Variants in OR10AG1 observed in about 807,000 individuals in gnomAD.
The protein encoded by OR10AG1 is olfactory receptor family 10 subfamily AG member 1, also known as olfactory receptor 10AG1.
For missense variants in OR10AG1, 433 were observed against 376.5 expected (o/e 1.15, Z -1.24); for synonymous variants, 147 against 128.6 (o/e 1.14, Z -0.97).
At chr11:55,968,799 T>G (rs1012228522) in intron 1 of OR10AG1, among the ~76,000 whole-genome samples, 5 of 152,166 alleles carry the variant, frequency 3.3e-5, no homozygotes, top group African/African-American at 1.2e-4. Flanking sequence ...TATTTCACAC[T>G]TAAGAGTAGA....
rs774991963 is a variant in OR10AG1, at chr11:55,967,646, A to G, written c.878T>C (p.Ile293Thr). 2.2e-5 allele frequency: 35 copies of G among 1,612,898 alleles called. No homozygotes were observed. Among genetic ancestry groups the G allele is most frequent in the Non-Finnish European group, 2.8e-5 (33 of 1,179,104 alleles). The change falls in exon 2 of 2, where the codon ATT (isoleucine) becomes ACT (threonine). Residue 293 changes from isoleucine to threonine, a missense_variant. Physicochemically the swap from Ile to Thr is moderately conservative, Grantham distance 89. Transcript: ENST00000641071. Reference protein sequence around the residue: ...KLISLFYTILIPTLNPIIYTL... With the variant: ...KLISLFYTILTPTLNPIIYTL... ...ATATATAATAGGATTCAAAGTTGGA[A>G]TCAGAATGGTGTAGAAAAGAGAAAT...
rs758782159 is a variant in OR10AG1, at chr11:55,968,035, T to C, written c.489A>G (p.Thr163=). 3 of 1,614,068 alleles carry C rather than the reference T, an allele frequency of 1.9e-6. No homozygotes were observed. The highest frequency in any genetic ancestry group is 1.7e-6 in the Non-Finnish European group (2 of 1,179,984). The change falls in exon 2 of 2, where the codon ACA becomes ACG. Residue 163 remains threonine (T), a synonymous_variant. Transcript: ENST00000641071. Reference sequence around the variant, plus strand: ...ATGTTTCCCCAATTACTACAGGAATTGTGATGGTCCAGGAAGCTATTATCA... The same window carrying C: ...ATGTTTCCCCAATTACTACAGGAATCGTGATGGTCCAGGAAGCTATTATCA... ...IQLIIASWTI[T]IPVVIGETCQ...
rs1368401817 is a variant in OR10AG1, at chr11:55,965,939, T to C, written c.*1619A>G. On this transcript the variant is annotated 3_prime_UTR_variant, in exon 2 of 2. Transcript: ENST00000641071. Reference sequence around the variant, plus strand: ...TGCACATGTAAAATGCTATATGAAATTATAGTTGCTATTATTATTGGTTTT... The same window carrying C: ...TGCACATGTAAAATGCTATATGAAACTATAGTTGCTATTATTATTGGTTTT... The C allele has an allele frequency of 6.6e-6, 1 of 152,060 alleles. No homozygotes were observed. Among genetic ancestry groups the C allele is most frequent in the Non-Finnish European group, 1.5e-5 (1 of 67,992 alleles). The allele number at this position is 152,060 out of a possible 1,614,324, so 9.4% of individuals were successfully genotyped here.
intron 1 of OR10AG1, among the ~76,000 whole-genome samples, chr11:55,968,956 A>C (rs1852718761): frequency 6.6e-6 from 1 of 151,984 alleles, no homozygotes; most frequent in African/African-American, 2.4e-5. Flanking sequence ...TTTTCCTTTT[A>C]TGCACCAGTG....
chr11:55,967,967 T>G lies in OR10AG1; in HGVS notation c.557A>C (p.Asn186Thr), dbSNP rs1341155647. ...LLPFCGTNTI[N>T]HFFCDIPPIL... is the part of the protein sequence containing the mutation. ...TGGCGGGATGTCACAAAAGAAATGA[T>G]TAATTGTGTTAGTTCCGCAAAAGGG... The change falls in exon 2 of 2, where the codon AAT becomes ACT. Residue 186 changes from asparagine to threonine, a missense_variant. Asn to Thr is a moderately conservative substitution (Grantham distance 65). Transcript: ENST00000641071. 1 of 1,614,054 alleles carries G rather than the reference T, an allele frequency of 6.2e-7. No individual in the cohort carries two copies. Among genetic ancestry groups the G allele is most frequent in the East Asian group, 2.2e-5 (1 of 44,882 alleles).
chr11:55,967,777 G>A lies in OR10AG1; in HGVS notation c.747C>T (p.Phe249=). 6.2e-7 allele frequency: 1 copy of A among 1,613,780 alleles called. No individual in the cohort carries two copies. The highest frequency in any genetic ancestry group is 1.7e-5 in the Admixed American group (1 of 60,008). ...CTATTAGGTGAGATGAGCAGGTGGA[G>A]AAGGCTTTAGCCTTTCCTCTGGCTG... ...LSSARGKAKA[F]STCSSHLIVV... is the part of the protein sequence containing the mutation. Residue 249 remains phenylalanine, a synonymous_variant, in exon 2 of 2, where the codon TTC becomes TTT. Coordinates refer to ENST00000641071, the MANE Select transcript of OR10AG1 (RefSeq NM_001005491.2).
Position 55,967,818 on chromosome 11 carries a change from T to C in OR10AG1, c.706A>G (p.Ile236Val), listed in dbSNP as rs1056990229. The change falls in exon 2 of 2, where the codon ATT becomes GTT. Residue 236 changes from isoleucine to valine, a missense_variant. Physicochemically the swap from Ile to Val is conservative, Grantham distance 29 (BLOSUM62 3). Transcript: ENST00000641071. The part of the protein sequence containing the change: ...VVSYGKIISN[I>V]LKLSSARGKA... ...CCTCTGGCTGATGACAATTTCAAAATGTTGGAGATAATTTTGCCATAAGAG... is the reference window on the plus strand; with the variant it reads ...CCTCTGGCTGATGACAATTTCAAAACGTTGGAGATAATTTTGCCATAAGAG... 1 of 1,613,948 alleles carries C rather than the reference T, an allele frequency of 6.2e-7. No homozygotes were observed. Among genetic ancestry groups the C allele is most frequent in the African/African-American group, 1.3e-5 (1 of 74,870 alleles).
In OR10AG1 at chr11:55,967,593, C is replaced by T; in HGVS notation, c.931G>A (p.Ala311Thr). Reference sequence around the variant, plus strand: ...AACTTAGCTAGTAATTTTCTCAATGCCACCATGATATCTTTGTTCCTCAGG... The same window carrying T: ...AACTTAGCTAGTAATTTTCTCAATGTCACCATGATATCTTTGTTCCTCAGG... The part of the protein sequence containing the change: ...YTLRNKDIMV[A>T]LRKLLAKLLT The change falls in exon 2 of 2, where the codon GCA becomes ACA. Residue 311 changes from alanine to threonine, a missense_variant. Coordinates refer to ENST00000641071, the MANE Select transcript of OR10AG1 (RefSeq NM_001005491.2). 1 of 1,595,074 alleles carries T rather than the reference C, an allele frequency of 6.3e-7. No individual in the cohort carries two copies. The highest frequency in any genetic ancestry group is 8.5e-7 in the Non-Finnish European group (1 of 1,170,420).
intron 1 of OR10AG1, among the ~76,000 whole-genome samples, chr11:55,969,359 T>C (rs952920562): frequency 1.3e-5 from 2 of 152,082 alleles, no homozygotes; most frequent in African/African-American, 4.8e-5. Flanking sequence ...GCCATCTAAG[T>C]GGCCAGAGCA....
Position 55,966,291 on chromosome 11 carries a change from T to TATATATATATATATATATATATA in OR10AG1, c.*1266_*1267insTATATATATATATATATATATAT, listed in dbSNP as rs1491230740. ...AAGAATATATATATATATATATATA[T>TATATATATATATATATATATATA]TTTTTTTTTTAAACAGAAGTCAATT... On this transcript the variant is annotated 3_prime_UTR_variant, in exon 2 of 2. Transcript: ENST00000641071. The TATATATATATATATATATATATA allele has an allele frequency of 1.6e-5, 1 of 61,750 alleles. No individual in the cohort carries two copies. 3.8% of individuals were successfully genotyped at this position (61,750 alleles called of 1,614,324 possible).
chr11:55,968,465 A>G lies in OR10AG1; in HGVS notation c.59T>C (p.Ile20Thr). 6.5e-7 allele frequency: 1 copy of G among 1,534,944 alleles called. No individual in the cohort carries two copies. The highest frequency in any genetic ancestry group is 8.8e-7 in the Non-Finnish European group (1 of 1,140,212). Residue 20 changes from isoleucine to threonine, a missense_variant, in exon 2 of 2, where the codon ATA (isoleucine) becomes ACA (threonine). Ile to Thr is a moderately conservative substitution (Grantham distance 89). Transcript: ENST00000641071. ...TKREKSNVTT[I>T]MEFVLLGFSD... ...AAACCCCAAAAGAACAAATTCCATT[A>G]TTGTAGTCACATTTGATTTTTCTCT...
rs1852692047 is a variant in OR10AG1 at position 55,966,731 on chromosome 11, A to C, written c.*827T>G. Reference sequence around the variant, plus strand: ...TTCTCTGCACCTTTTTTCCCCTCAAACTTCTTCTGCCTCTTTGTCTTTTAT... The same window carrying C: ...TTCTCTGCACCTTTTTTCCCCTCAACCTTCTTCTGCCTCTTTGTCTTTTAT... On this transcript the variant is annotated 3_prime_UTR_variant, in exon 2 of 2. Transcript: ENST00000641071. The C allele has an allele frequency of 6.6e-6, 1 of 151,694 alleles. No individual in the cohort carries two copies. The highest frequency in any genetic ancestry group is 1.5e-5 in the Non-Finnish European group (1 of 67,944). The allele number at this position is 151,694 out of a possible 1,614,324, so 9.4% of individuals were successfully genotyped here.
chr11:55,968,016 C>T lies in OR10AG1; in HGVS notation c.508G>A (p.Glu170Lys), dbSNP rs1409513381. 6.2e-7 allele frequency: 1 copy of T among 1,613,948 alleles called. No homozygotes were observed. The highest frequency in any genetic ancestry group is 1.7e-5 in the Admixed American group (1 of 60,012). ...GGCAAAAGGAAAATTTGGCATGTTTCCCCAATTACTACAGGAATTGTGATG... is the reference window on the plus strand; with the variant it reads ...GGCAAAAGGAAAATTTGGCATGTTTTCCCAATTACTACAGGAATTGTGATG... ...WTITIPVVIG[E>K]TCQIFLLPFC... The change falls in exon 2 of 2, where the codon GAA (glutamate) becomes AAA (lysine). Residue 170 changes from glutamate (E) to lysine (K), a missense_variant. Coordinates refer to ENST00000641071, the MANE Select transcript of OR10AG1 (RefSeq NM_001005491.2).
chr11:55,967,418 AC>A lies in OR10AG1; in HGVS notation c.*139del. Reference sequence around the variant, plus strand: ...CATAACTATATTCTGTGAATAAAACACCCCTTGACATAATGTAAGTTTGTAT... The same window carrying A: ...CATAACTATATTCTGTGAATAAAACACCCTTGACATAATGTAAGTTTGTAT... On this transcript the variant is annotated 3_prime_UTR_variant, in exon 2 of 2. Transcript: ENST00000641071. The A allele has an allele frequency of 1.7e-6, 1 of 593,394 alleles. No homozygotes were observed. The highest frequency in any genetic ancestry group is 3.0e-6 in the Non-Finnish European group (1 of 338,840). The allele number at this position is 593,394 out of a possible 1,614,324, so 36.8% of individuals were successfully genotyped here.
rs955933619 is a variant in OR10AG1 at position 55,966,186 on chromosome 11, A to T, written c.*1372T>A. The T allele has an allele frequency of 6.6e-6, 1 of 151,452 alleles. No individual in the cohort carries two copies. The highest frequency in any genetic ancestry group is 1.5e-5 in the Non-Finnish European group (1 of 67,888). The allele number at this position is 151,452 out of a possible 1,614,324, so 9.4% of individuals were successfully genotyped here. On this transcript the variant is annotated 3_prime_UTR_variant, in exon 2 of 2. Transcript: ENST00000641071. ...ACAAATTTCGTTATAAAAGTTTTTG[A>T]AAAAACACGTTTGTAATAACTATTG...
rs1852707018 is a variant in OR10AG1 at position 55,968,034 on chromosome 11, T to C, written c.490A>G (p.Ile164Val). ...CATGTTTCCCCAATTACTACAGGAA[T>C]TGTGATGGTCCAGGAAGCTATTATC... ...QLIIASWTIT[I>V]PVVIGETCQI... Residue 164 changes from isoleucine (I) to valine (V), a missense_variant, in exon 2 of 2, where the codon ATT becomes GTT. By Grantham distance (29) the Ile-to-Val change is conservative (BLOSUM62 3). Transcript: ENST00000641071. The C allele has an allele frequency of 9.3e-6, 15 of 1,613,940 alleles. No homozygotes were observed. Among genetic ancestry groups the C allele is most frequent in the Non-Finnish European group, 1.3e-5 (15 of 1,180,000 alleles).
At chr11:55,969,746 G>A (rs1590673042) in intron 1 of OR10AG1, 146 bp downstream of exon 1, 1 of 392,408 alleles carries the variant, frequency 2.5e-6, no homozygotes, top group African/African-American at 2.1e-5. Context: ...TTGTAGTGAA[G>A]AGATACATGA....
chr11:55,969,873 C>G lies in OR10AG1; in HGVS notation c.16+19G>C, dbSNP rs1852726142. 2.5e-6 allele frequency: 1 copy of G among 398,172 alleles called. No individual in the cohort carries two copies. The highest frequency in any genetic ancestry group is 4.4e-6 in the Non-Finnish European group (1 of 225,954). 24.7% of individuals were successfully genotyped at this position (398,172 alleles called of 1,614,324 possible). A position where few individuals can be genotyped will look rare whatever the true frequency, so the allele number is the denominator to read the frequency against. ...ACTATTCTTAAATAAAATAGTCTGT[C>G]AACCCAATTATGGCTTACCTTTAGG... On this transcript the variant is annotated intron_variant, in intron 1 of 1. Transcript: ENST00000641071.
intron 1 of OR10AG1, 95 bp downstream of exon 1, chr11:55,969,797 A>C (rs1346682424): frequency 2.5e-6 from 1 of 397,388 alleles, no homozygotes; most frequent in African/African-American, 2.1e-5. Flanking sequence ...AAGGTCTCAA[A>C]ATTTCATGCT....
Sources: allele counts gnomAD v4.1 joint callset (sites outside exome capture counted in the v4.1 genomes callset), GRCh38; gene constraint gnomAD v4.1.1; transcripts MANE v1.5; gene names NCBI Gene and HGNC (gene_info 2026-07-23, HGNC 2026-07-21).